FRMPD4: variants seen among roughly 807,000 people sequenced by gnomAD.
FRMPD4 encodes the protein FERM and PDZ domain-containing protein 4.
Under a neutral mutation model 94.1 loss-of-function variants are expected in FRMPD4, and 22 were observed. The ratio of observed to expected loss-of-function variants is 0.23; its 90% CI spans 0.17 to 0.33. FRMPD4 has a LOEUF of 0.33. Ranked by LOEUF, FRMPD4 falls within the 10% of genes least tolerant of loss-of-function variation. The pLI, the probability that FRMPD4 is intolerant of heterozygous loss-of-function variation, is 1.00. For missense variants in FRMPD4, 1,111 were observed against 1,339.9 expected, an observed-to-expected ratio of 0.83 and a Z score of 2.67; for synonymous variants, 631 against 548.6, an observed-to-expected ratio of 1.15 and a Z score of -2.10.
chrX:12,510,080 T>A (rs1274310287), intron 2 of FRMPD4, among the ~76,000 whole-genome samples: 2 of 112,092 alleles, frequency 1.8e-5, no homozygotes, highest in Admixed American at 1.9e-4. Context: ...ATCTGTATCA[T>A]CTGGGAATCC....
rs1179846628 is a variant in FRMPD4 at position 12,321,828 on chromosome X, T to C, written c.42-176852T>C. Reference sequence around the variant, plus strand: ...ATCAGACAGACCTTAGGAAGCAGCATATCTGCTGGGCTCACTCTTCACACT... The same window carrying C: ...ATCAGACAGACCTTAGGAAGCAGCACATCTGCTGGGCTCACTCTTCACACT... On this transcript the variant is annotated intron_variant, in intron 1 of 16. Coordinates refer to ENST00000675598, the MANE Select transcript of FRMPD4 (RefSeq NM_001368397.1). 2.7e-5 allele frequency among the ~76,000 whole-genome samples: 3 copies of C among 111,988 alleles called. No individual in the cohort carries two copies. In the Admixed American group the frequency reaches 2.8e-4, roughly 11 times the overall value.
At chrX:12,381,414 G>A (rs2056316472) in intron 1 of FRMPD4, among the ~76,000 whole-genome samples, 1 of 112,038 alleles carries the variant, frequency 8.9e-6, no homozygotes, top group Admixed American at 9.5e-5. Flanking sequence ...ATGTATTAAG[G>A]CAGGCCAAGT....
intron 3 of FRMPD4, among the ~76,000 whole-genome samples, chrX:12,061,481 A>G (rs759401580): frequency 1.8e-5 from 2 of 111,995 alleles, no homozygotes; most frequent in East Asian, 2.8e-4. Flanking sequence ...GTCTCCTGCA[A>G]TACCCATTGG....
At chrX:12,185,109 T>C (rs2147678084) in intron 1 of FRMPD4, among the ~76,000 whole-genome samples, 1 of 111,538 alleles carries the variant, frequency 9.0e-6, no homozygotes, top group African/African-American at 3.3e-5. Flanking sequence ...ATGCACACCA[T>C]AAGTATAGAT....
At chrX:12,096,850 G>A (rs946255698) in intron 3 of FRMPD4, among the ~76,000 whole-genome samples, 4 of 111,405 alleles carry the variant, frequency 3.6e-5, no homozygotes, top group African/African-American at 9.8e-5. Flanking sequence ...TCATGCCACT[G>A]CACTCCAGCC....
chrX:12,197,872 C>T (rs1268302932), intron 1 of FRMPD4, among the ~76,000 whole-genome samples: 1 of 111,888 alleles, frequency 8.9e-6, no homozygotes, highest in Non-Finnish European at 1.9e-5. Flanking sequence ...CTGACAAACG[C>T]TTCCAAGTAT....
chrX:11,951,509 C>G (rs369900139), intron 3 of FRMPD4, among the ~76,000 whole-genome samples: 1 of 111,860 alleles, frequency 8.9e-6, no homozygotes, highest in South Asian at 3.8e-4. Context: ...CCAAATATCA[C>G]ATATTCTCAC....
chrX:12,621,192 T>C (rs1010282366), intron 4 of FRMPD4, among the ~76,000 whole-genome samples: 5 of 111,322 alleles, frequency 4.5e-5, no homozygotes, highest in Non-Finnish European at 9.4e-5. Flanking sequence ...ATCACACCAG[T>C]GGACTCCAGC....
At chrX:11,911,133 C>A (rs1279830084) in intron 3 of FRMPD4, among the ~76,000 whole-genome samples, 1 of 112,282 alleles carries the variant, frequency 8.9e-6, no homozygotes, top group Non-Finnish European at 1.9e-5. Context: ...GCAAAAGCAA[C>A]CATGGACAAT....
intron 16 of FRMPD4, 44 bp from the exon 17 acceptor site, chrX:12,720,490 G>C: frequency 8.5e-7 from 1 of 1,182,999 alleles, no homozygotes; most frequent in East Asian, 3.0e-5. Flanking sequence ...CCTCCCAGGA[G>C]ATGCTTAATG....
chrX:12,620,640 A>T (rs2059279446), intron 4 of FRMPD4, among the ~76,000 whole-genome samples: 1 of 112,366 alleles, frequency 8.9e-6, no homozygotes. Flanking sequence ...CTCTGGAAAT[A>T]GGCCTACCCC....
intron 4 of FRMPD4, among the ~76,000 whole-genome samples, chrX:12,645,361 T>C (rs2059538551): frequency 1.1e-5 from 1 of 90,222 alleles, no homozygotes; most frequent in African/African-American, 4.2e-5. Context: ...TTTTTTTTTT[T>C]TTTTTTTTTT....
intron 2 of FRMPD4, among the ~76,000 whole-genome samples, chrX:12,527,683 A>C (rs139603904): frequency 9.0e-6 from 1 of 111,237 alleles, no homozygotes; most frequent in African/African-American, 3.3e-5. Context: ...TGTAATCTAC[A>C]CTGGGTCAAT....
intron 4 of FRMPD4, among the ~76,000 whole-genome samples, chrX:12,653,452 C>CT (rs916009694): frequency 1.4e-4 from 16 of 111,934 alleles, no homozygotes; most frequent in Admixed American, 7.6e-4. Context: ...AGTAATGTCA[C>CT]TTTTTTTGAC....
At chrX:12,475,046 T>C (rs1487100820) in intron 1 of FRMPD4, among the ~76,000 whole-genome samples, 1 of 111,617 alleles carries the variant, frequency 9.0e-6, no homozygotes, top group Non-Finnish European at 1.9e-5. Flanking sequence ...TGATGAACAT[T>C]GATGCAAAAA....
At chrX:12,171,983 C>G (rs979176048) in intron 1 of FRMPD4, among the ~76,000 whole-genome samples, 1 of 111,289 alleles carries the variant, frequency 9.0e-6, no homozygotes, top group East Asian at 2.8e-4. Flanking sequence ...TTAACACACA[C>G]TTACACTGGT....
intron 1 of FRMPD4, among the ~76,000 whole-genome samples, chrX:12,389,640 A>G (rs2056449648): frequency 8.9e-6 from 1 of 112,137 alleles, no homozygotes. Context: ...ATATACAATT[A>G]TAAATGGTCA....
At chrX:12,059,044 T>G (rs969430020) in intron 3 of FRMPD4, among the ~76,000 whole-genome samples, 1 of 112,221 alleles carries the variant, frequency 8.9e-6, no homozygotes, top group African/African-American at 3.2e-5. Flanking sequence ...ATTGTTCATT[T>G]TAAACAATTG....
intron 3 of FRMPD4, among the ~76,000 whole-genome samples, chrX:12,112,335 C>T (rs1228262063): frequency 1.8e-5 from 2 of 110,937 alleles, no homozygotes; most frequent in Non-Finnish European, 3.8e-5. Context: ...CCAAACACCG[C>T]ATGTTCTCAC....
Sources: gnomAD v4.1 joint callset for allele counts (sites outside exome capture counted in the v4.1 genomes callset) on GRCh38, gnomAD v4.1.1 for gene constraint, MANE v1.5 for transcripts, NCBI Gene and HGNC (gene_info 2026-07-23, HGNC 2026-07-21) for gene names.